The following ATF7 variants were observed in gnomAD, a reference collection of about 807,000 sequenced individuals.
ATF7 encodes activating transcription factor 7, also known as cyclic AMP-dependent transcription factor ATF-7.
ATF7 carries 10 observed loss-of-function variants against 50.4 expected under a neutral mutation model. The ratio of observed to expected loss-of-function variants is 0.20; its 90% CI spans 0.12 to 0.34. The LOEUF is 0.34. ATF7 is among the 10% of genes least tolerant of loss of function. The pLI is 1.00. For synonymous variants in ATF7, 201 were observed against 226.4 expected (o/e 0.89, Z 1.01); for missense variants, 465 against 613.9 (o/e 0.76, Z 2.56).
At chr12:53,523,481 G>A (rs1376761754) in intron 10 of ATF7, 97 bp from the exon 11 acceptor site, 18 of 861,772 alleles carry the variant, frequency 2.1e-5, no homozygotes, top group East Asian at 1.5e-4. Context: ...ATATTGCCTC[G>A]ATTTTCTCCC....
chr12:53,526,001 G>A (rs1006771380), intron 9 of ATF7, among the ~76,000 whole-genome samples: 1 of 151,958 alleles, frequency 6.6e-6, no homozygotes, highest in East Asian at 1.9e-4. Context: ...ACTTGAGATC[G>A]GGAGTTTGAT....
chr12:53,550,138 C>G (rs1388850312), intron 3 of ATF7, among the ~76,000 whole-genome samples: 1 of 151,826 alleles, frequency 6.6e-6, no homozygotes, highest in African/African-American at 2.4e-5. Context: ...GCCTGGCCAA[C>G]ATGGTGAAAT....
chr12:53,548,021 G>A (rs534005031), intron 3 of ATF7, among the ~76,000 whole-genome samples: 16 of 145,476 alleles, frequency 1.1e-4, no homozygotes, highest in African/African-American at 4.0e-4. Context: ...ACAGGTGAGT[G>A]CCACCATGCC....
intron 1 of ATF7, among the ~76,000 whole-genome samples, chr12:53,608,342 GA>G (rs1369385997): frequency 6.0e-5 from 9 of 150,776 alleles, no homozygotes; most frequent in Middle Eastern, 6.9e-3. Context: ...TAACTACAAA[GA>G]AACAGAACCA....
rs1471039673 is a variant in ATF7, at chr12:53,514,921, A to C, written c.*2216T>G. ...AAGGCTGCTACTGGGAAATCAAGAC[A>C]ATAAAAAAATGAAACAAAACTCTAA... On this transcript the variant is annotated 3_prime_UTR_variant, in exon 12 of 12. Coordinates refer to ENST00000420353, the MANE Select transcript of ATF7 (RefSeq NM_006856.3). 1 of 152,236 alleles carries C rather than the reference A, an allele frequency of 6.6e-6. No homozygotes were observed. Among genetic ancestry groups the C allele is most frequent in the Non-Finnish European group, 1.5e-5 (1 of 68,052 alleles). The allele number at this position is 152,236 out of a possible 1,614,324, so 9.4% of individuals were successfully genotyped here.
chr12:53,569,576 T>C (rs1194817384), intron 2 of ATF7, among the ~76,000 whole-genome samples: 1 of 152,248 alleles, frequency 6.6e-6, no homozygotes, highest in African/African-American at 2.4e-5. Flanking sequence ...TTCATGTGTC[T>C]GACTCCCCTA....
chr12:53,582,717 T>TACAA (rs1269514613), intron 2 of ATF7, among the ~76,000 whole-genome samples: 1 of 152,150 alleles, frequency 6.6e-6, no homozygotes, highest in Non-Finnish European at 1.5e-5. Context: ...TAGCTGGGAC[T>TACAA]ACAAGTCCCC....
In ATF7 at chr12:53,524,869, C is replaced by T; in HGVS notation, c.928-108G>A. The T allele has an allele frequency of 9.7e-7, 1 of 1,027,932 alleles. No individual in the cohort carries two copies. The highest frequency in any genetic ancestry group is 1.4e-6 in the Non-Finnish European group (1 of 731,188). 63.7% of individuals were successfully genotyped at this position (1,027,932 alleles called of 1,614,324 possible). On this transcript the variant is annotated intron_variant, in intron 9 of 11. Transcript: ENST00000420353. The surrounding 1 kb of genome is among the most constrained non-coding windows in gnomAD (Gnocchi z 4.6). Reference sequence around the variant, plus strand: ...AGATCTGGTAAAAGGATATACCAGCCTCTGGTAACCACAGCAAGTCTCATT... The same window carrying T: ...AGATCTGGTAAAAGGATATACCAGCTTCTGGTAACCACAGCAAGTCTCATT...
At chr12:53,587,843 A>ATATATATATATATATATATTTTTT in intron 2 of ATF7, among the ~76,000 whole-genome samples, 10 of 61,556 alleles carry the variant, frequency 1.6e-4, no homozygotes, top group South Asian at 7.4e-4. Context: ...ATATATATAT[A>ATATATATATATATATATATTTTTT]TTTTTTTTTT....
Position 53,558,381 on chromosome 12 carries a change from A to T in ATF7, c.49-5744T>A, listed in dbSNP as rs556257300. Among the ~76,000 whole-genome samples, 5 of 152,370 alleles carry T rather than the reference A, an allele frequency of 3.3e-5. No homozygotes were observed. The South Asian group carries it at 1.0e-3, about 32-fold the overall frequency. On this transcript the variant is annotated intron_variant, in intron 2 of 11. Coordinates refer to ENST00000420353, the MANE Select transcript of ATF7 (RefSeq NM_006856.3). ...TTGTTGAGAAACCCTGATACAGAGT[A>T]ACAGGGGAAGAGAAAAAGAAATAAG...
chr12:53,581,616 GAAATT>G (rs1457029801), intron 2 of ATF7, among the ~76,000 whole-genome samples: 2 of 151,884 alleles, frequency 1.3e-5, no homozygotes, highest in Admixed American at 1.3e-4. Flanking sequence ...AATCTCCAGA[GAAATT>G]AAAAAGTATT....
chr12:53,577,762 C>T (rs1276748727), intron 2 of ATF7, among the ~76,000 whole-genome samples: 4 of 150,102 alleles, frequency 2.7e-5, no homozygotes, highest in Non-Finnish European at 4.4e-5. Context: ...GAAACACACA[C>T]AATATTTGGT....
At chr12:53,610,781 CA>C (rs761272061) in intron 1 of ATF7, among the ~76,000 whole-genome samples, 20 of 152,000 alleles carry the variant, frequency 1.3e-4, no homozygotes, top group Non-Finnish European at 2.6e-4. Context: ...TCTGGGGTAT[CA>C]TTTTATTTAG....
At chr12:53,588,139 T>C (rs1042254201) in intron 2 of ATF7, among the ~76,000 whole-genome samples, 2 of 152,140 alleles carry the variant, frequency 1.3e-5, no homozygotes, top group African/African-American at 4.8e-5. Flanking sequence ...CATGAGCCAC[T>C]GCGCCCGGCC....
intron 1 of ATF7, among the ~76,000 whole-genome samples, chr12:53,601,541 C>T (rs1943405038): frequency 6.6e-6 from 1 of 152,130 alleles, no homozygotes; most frequent in African/African-American, 2.4e-5. Flanking sequence ...GAAAACAAAG[C>T]ACCCATCCTA....
At chr12:53,550,580 AT>A (rs1294141368) in intron 3 of ATF7, among the ~76,000 whole-genome samples, 8 of 152,110 alleles carry the variant, frequency 5.3e-5, no homozygotes, top group Non-Finnish European at 1.2e-4. Context: ...AATAGAAAGA[AT>A]TTGAAGAATA....
At chr12:53,615,629 T>A (rs1944089286) in intron 1 of ATF7, among the ~76,000 whole-genome samples, 1 of 152,022 alleles carries the variant, frequency 6.6e-6, no homozygotes, top group Admixed American at 6.6e-5. Flanking sequence ...ATCCCAACAT[T>A]TTGGGAAGCT....
At chr12:53,613,786 C>CA (rs1943997358) in intron 1 of ATF7, among the ~76,000 whole-genome samples, 1 of 148,908 alleles carries the variant, frequency 6.7e-6, no homozygotes, top group African/African-American at 2.5e-5. Context: ...CTCAACCCCC[C>CA]AAAGTGCTGG....
In ATF7 at chr12:53,538,014, G is replaced by GA. The variant is rs1323191015; in HGVS notation, c.265-463dup. Among the ~76,000 whole-genome samples the GA allele has an allele frequency of 3.3e-5, 5 of 151,620 alleles. No homozygotes were observed. In the East Asian group the frequency reaches 9.8e-4, roughly 30 times the overall value. On this transcript the variant is annotated intron_variant, in intron 4 of 11. Coordinates refer to ENST00000420353, the MANE Select transcript of ATF7 (RefSeq NM_006856.3). ...GGAATGAGCCACTGCATCCGGCCAA[G>GA]AAATATGGGCCCCTTATGTTTTATG...
Sources: allele counts gnomAD v4.1 joint callset (sites outside exome capture counted in the v4.1 genomes callset), GRCh38; gene constraint gnomAD v4.1.1; non-coding constraint Gnocchi (gnomAD v3.1); transcripts MANE v1.5; gene names NCBI Gene and HGNC (gene_info 2026-07-23, HGNC 2026-07-21).